The following GRHL2 variants were observed in gnomAD, a reference collection of about 807,000 sequenced individuals.
The protein encoded by GRHL2 is grainyhead like transcription factor 2, also known as grainyhead-like protein 2 homolog.
A neutral mutation model predicts 83.8 loss-of-function variants in GRHL2; 21 were observed. The observed-to-expected ratio is 0.25, with a 90% CI of 0.18 to 0.36. GRHL2 has a LOEUF of 0.36. GRHL2 is among the 10% of genes least tolerant of loss of function. GRHL2 has a pLI of 1.00. For synonymous variants in GRHL2, 280 were observed against 278.9 expected, an observed-to-expected ratio of 1.00 and a Z score of -0.04; for missense variants, 623 against 781.8, an observed-to-expected ratio of 0.80 and a Z score of 2.42.
chr8:101,564,134 A>G (rs772520630), intron 4 of GRHL2, among the ~76,000 whole-genome samples: 48 of 152,150 alleles, frequency 3.2e-4, no homozygotes, highest in Non-Finnish European at 3.4e-4. Context: ...GACTATTCCC[A>G]CTGATTTTGG....
intron 12 of GRHL2, among the ~76,000 whole-genome samples, chr8:101,640,667 G>A (rs1011081139): frequency 1.1e-4 from 16 of 152,102 alleles, no homozygotes; most frequent in Non-Finnish European, 1.9e-4. Context: ...AGTGGGCCCC[G>A]CTGAGGTCCT....
intron 2 of GRHL2, among the ~76,000 whole-genome samples, chr8:101,551,846 T>C (rs1811385731): frequency 6.6e-6 from 1 of 150,924 alleles, no homozygotes; most frequent in Non-Finnish European, 1.5e-5. Flanking sequence ...TGGGAGTTTT[T>C]TTTTTTTGAG....
intron 7 of GRHL2, among the ~76,000 whole-genome samples, chr8:101,587,319 T>C (rs572733065): frequency 7.2e-5 from 11 of 152,220 alleles, no homozygotes; most frequent in Non-Finnish European, 1.5e-4. Flanking sequence ...CGATGGATGC[T>C]TGAAGAGACC....
At chr8:101,566,476 G>T (rs369151072) in intron 4 of GRHL2, among the ~76,000 whole-genome samples, 1 of 151,278 alleles carries the variant, frequency 6.6e-6, no homozygotes, top group African/African-American at 2.4e-5. Context: ...GTTATCATCT[G>T]TGTCCAAAAG....
At chr8:101,570,193 A>G in intron 4 of GRHL2, 146 bp from the exon 5 acceptor site, 1 of 703,594 alleles carries the variant, frequency 1.4e-6, no homozygotes, top group Non-Finnish European at 2.5e-6. Flanking sequence ...TTCTATGACT[A>G]CTTTTGCTGT....
intron 5 of GRHL2, among the ~76,000 whole-genome samples, chr8:101,572,065 G>A (rs1764307824): frequency 6.6e-6 from 1 of 152,166 alleles, no homozygotes; most frequent in Admixed American, 6.5e-5. Context: ...TTATGGGCAG[G>A]CTTGATGGAC....
intron 14 of GRHL2, among the ~76,000 whole-genome samples, chr8:101,656,849 T>TTAGTG (rs892314098): frequency 2.3e-4 from 33 of 140,784 alleles, no homozygotes; most frequent in African/African-American, 8.9e-4. Flanking sequence ...TGTGTGTCTG[T>TTAGTG]TAGTGTATTT....
chr8:101,505,275 C>T (rs982892687), intron 1 of GRHL2, among the ~76,000 whole-genome samples: 3 of 151,978 alleles, frequency 2.0e-5, no homozygotes, highest in Admixed American at 6.6e-5. Context: ...TGATGTTCTT[C>T]GGATGTTAAA....
chr8:101,634,195 G>C (rs1362680504), intron 11 of GRHL2, among the ~76,000 whole-genome samples: 1 of 152,096 alleles, frequency 6.6e-6, no homozygotes, highest in Non-Finnish European at 1.5e-5. Context: ...GAGCTCTCAG[G>C]CTTCTCCCAT....
chr8:101,651,947 G>A (rs1417284808), intron 14 of GRHL2, among the ~76,000 whole-genome samples: 1 of 152,178 alleles, frequency 6.6e-6, no homozygotes, highest in African/African-American at 2.4e-5. Flanking sequence ...CAGGATCCTC[G>A]GGTGATGCAG....
chr8:101,545,855 A>C (rs1240584450), intron 2 of GRHL2, among the ~76,000 whole-genome samples: 2 of 144,508 alleles, frequency 1.4e-5, no homozygotes, highest in Non-Finnish European at 3.0e-5. Flanking sequence ...GATCATTACA[A>C]CTTCTCTTTG....
At chr8:101,495,738 C>T (rs1810088316) in intron 1 of GRHL2, among the ~76,000 whole-genome samples, 1 of 152,060 alleles carries the variant, frequency 6.6e-6, no homozygotes, top group Non-Finnish European at 1.5e-5. Flanking sequence ...TAAGATGAGC[C>T]CTGTTCTCAG....
intron 1 of GRHL2, among the ~76,000 whole-genome samples, chr8:101,532,763 A>T (rs1563567695): frequency 6.6e-6 from 1 of 151,972 alleles, no homozygotes; most frequent in South Asian, 2.1e-4. Context: ...CACAAAAAAA[A>T]AAAAAAGAGA....
chr8:101,548,147 A>G (rs1374151546), intron 2 of GRHL2, among the ~76,000 whole-genome samples: 2 of 152,146 alleles, frequency 1.3e-5, no homozygotes, highest in East Asian at 3.8e-4. Context: ...CTATCCATCT[A>G]TCCATCTATC....
chr8:101,520,149 T>G (rs1011865591), intron 1 of GRHL2, among the ~76,000 whole-genome samples: 2 of 152,248 alleles, frequency 1.3e-5, no homozygotes, highest in African/African-American at 2.4e-5. Flanking sequence ...ATTACTTTCT[T>G]GTGGAACACT....
the GRHL2 span, among the ~76,000 whole-genome samples, chr8:101,676,537 C>T: frequency 3.3e-5 from 5 of 152,052 alleles, no homozygotes; most frequent in Middle Eastern, 3.2e-3. Flanking sequence ...GTTAGAATGG[C>T]GATCATTCAA....
At chr8:101,496,970 A>G (rs1272738991) in intron 1 of GRHL2, among the ~76,000 whole-genome samples, 2 of 152,216 alleles carry the variant, frequency 1.3e-5, no homozygotes, top group Non-Finnish European at 2.9e-5. Context: ...TAATCTGGAC[A>G]GTTGCACACT....
chr8:101,643,010 T>A (rs1813432642), intron 12 of GRHL2, among the ~76,000 whole-genome samples: 1 of 152,170 alleles, frequency 6.6e-6, no homozygotes, highest in Non-Finnish European at 1.5e-5. Context: ...ACCAAGGTAA[T>A]GTGGTCTCAG....
intron 14 of GRHL2, among the ~76,000 whole-genome samples, chr8:101,656,692 GAAT>G (rs1813792742): frequency 1.3e-5 from 2 of 152,200 alleles, no homozygotes; most frequent in African/African-American, 2.4e-5. Flanking sequence ...TCTGAAATGA[GAAT>G]AATAATATGA....
Sources: gnomAD v4.1 joint callset for allele counts (sites outside exome capture counted in the v4.1 genomes callset) on GRCh38, gnomAD v4.1.1 for gene constraint, MANE v1.5 for transcripts, NCBI Gene and HGNC (gene_info 2026-07-23, HGNC 2026-07-21) for gene names.